The following PDXDC1 variants were observed in gnomAD, a reference collection of about 807,000 sequenced individuals.
PDXDC1 encodes pyridoxal dependent decarboxylase domain containing 1.
In PDXDC1, 42 loss-of-function variants were observed where a neutral mutation model predicts 100.1. That is an observed-to-expected ratio of 0.42 (90% CI 0.33 to 0.54). PDXDC1 has a LOEUF of 0.54. Among genes scored for constraint, PDXDC1 ranks in the 20% least tolerant of loss-of-function variants. The pLI, the probability that PDXDC1 is intolerant of heterozygous loss-of-function variation, is 0.10. For missense variants in PDXDC1, 636 were observed against 979.2 expected (o/e 0.65, Z 4.68); for synonymous variants, 260 against 371.7 (o/e 0.70, Z 3.46).
chr16:15,049,244 G>C (rs916645048), intron 16 of PDXDC1, among the ~76,000 whole-genome samples: 6 of 152,106 alleles, frequency 3.9e-5, no homozygotes, highest in African/African-American at 1.4e-4. Context: ...GCCCAGGCTG[G>C]TCTCAAACTC....
chr16:15,127,944 C>A, intron 16 of PDXDC1: 1 of 1,474,556 alleles, frequency 6.8e-7, no homozygotes, highest in Non-Finnish European at 9.4e-7. Flanking sequence ...GGGGCAGGAC[C>A]ACCCTGCCCA....
At chr16:15,131,098 G>T (rs571437331) in intron 16 of PDXDC1, 4 of 1,606,720 alleles carry the variant, frequency 2.5e-6, no homozygotes, top group South Asian at 2.2e-5. Context: ...GTCCAGCAGC[G>T]TATAGTTGAG....
chr16:15,084,340 C>T (rs1282142011), intron 16 of PDXDC1, among the ~76,000 whole-genome samples: 1 of 152,086 alleles, frequency 6.6e-6, no homozygotes, highest in Non-Finnish European at 1.5e-5. Context: ...GACACAAACA[C>T]ACCCAGGGGT....
intron 1 of PDXDC1, among the ~76,000 whole-genome samples, chr16:14,987,628 T>C (rs1194533104): frequency 6.6e-6 from 1 of 152,292 alleles, no homozygotes; most frequent in East Asian, 1.9e-4. Context: ...TTTTTTTGTT[T>C]TTTGAGATGG....
intron 1 of PDXDC1, among the ~76,000 whole-genome samples, chr16:14,980,649 A>G (rs780666929): frequency 2.0e-5 from 3 of 152,238 alleles, no homozygotes; most frequent in Non-Finnish European, 4.4e-5. Context: ...AATTTTTTGT[A>G]TTTTTAGTAG....
downstream of PDXDC1, among the ~76,000 whole-genome samples, chr16:15,039,574 T>C (rs2043714051): frequency 6.6e-6 from 1 of 152,202 alleles, no homozygotes; most frequent in Non-Finnish European, 1.5e-5. Flanking sequence ...TCCAGCAAAT[T>C]GCTCTTCAGT....
At chr16:15,128,341 C>G in intron 16 of PDXDC1, 2 of 1,608,590 alleles carry the variant, frequency 1.2e-6, no homozygotes, top group South Asian at 2.2e-5. Flanking sequence ...CCGGTGGCCG[C>G]TCCGGCTGTC....
Position 15,038,149 on chromosome 16 carries a change from A to AAGGT in PDXDC1, c.*1877_*1880dup, listed in dbSNP as rs2043616725. ...AGATGGGTGTTTTTTTAAAAACATCAAGGTAGATCTAATATGTTCAACAAA... is the reference window on the plus strand; with the variant it reads ...AGATGGGTGTTTTTTTAAAAACATCAAGGTAGGTAGATCTAATATGTTCAACAAA... On this transcript the variant is annotated 3_prime_UTR_variant, in exon 23 of 23. Transcript: ENST00000396410. 1 of 1,612,988 alleles carries AAGGT rather than the reference A, an allele frequency of 6.2e-7. No individual in the cohort carries two copies. Among genetic ancestry groups the AAGGT allele is most frequent in the Non-Finnish European group, 8.5e-7 (1 of 1,178,984 alleles).
chr16:15,122,485 G>A lies in PDXDC1; in HGVS notation c.1400-16394G>A, dbSNP rs530244199. ...CCACCTCGGCCCCCTAAAGTGCTGG[G>A]ATTACAGGCCTGAGCTGTGTAATTT... On this transcript the variant is annotated intron_variant, in intron 16 of 16. Coordinates refer to the PDXDC1 transcript ENST00000535621. Among the ~76,000 whole-genome samples the A allele has an allele frequency of 7.6e-5, 11 of 145,552 alleles. 1 individual carries two copies. In the South Asian group the frequency reaches 1.6e-3, roughly 21 times the overall value.
chr16:14,978,600 G>C (rs1171634692), intron 1 of PDXDC1, among the ~76,000 whole-genome samples: 6 of 152,274 alleles, frequency 3.9e-5, no homozygotes, highest in Non-Finnish European at 7.3e-5. Flanking sequence ...TCACTATATT[G>C]CCCAGGCTGG....
At chr16:15,124,637 TG>T (rs1325879414) in intron 16 of PDXDC1, among the ~76,000 whole-genome samples, 7 of 150,334 alleles carry the variant, frequency 4.7e-5, no homozygotes, top group Admixed American at 6.6e-5. Flanking sequence ...CCGGGTGCGG[TG>T]GTGGGCGCCT....
downstream of PDXDC1, among the ~76,000 whole-genome samples, chr16:15,144,245 C>T (rs2048519199): frequency 6.6e-6 from 1 of 152,222 alleles, no homozygotes; most frequent in Non-Finnish European, 1.5e-5. Context: ...TGGCCCCTTC[C>T]TCGCTGGGCC....
chr16:14,995,775 C>T (rs1339651510), intron 1 of PDXDC1, among the ~76,000 whole-genome samples: 1 of 152,274 alleles, frequency 6.6e-6, no homozygotes, highest in Non-Finnish European at 1.5e-5. Context: ...TGGTCCCGGA[C>T]CTTTTTTGGT....
At chr16:15,062,365 C>T (rs1189446277) in intron 16 of PDXDC1, among the ~76,000 whole-genome samples, 1 of 152,138 alleles carries the variant, frequency 6.6e-6, no homozygotes, top group African/African-American at 2.4e-5. Flanking sequence ...ACACGCCCCT[C>T]AACAAATGAA....
chr16:15,040,968 T>C, downstream of PDXDC1: 1 of 824,774 alleles, frequency 1.2e-6, no homozygotes, highest in Non-Finnish European at 2.1e-6. Context: ...AACCCAAAGC[T>C]GTCCCATCCT....
intron 16 of PDXDC1, among the ~76,000 whole-genome samples, chr16:15,122,608 C>G (rs2047478266): frequency 6.6e-6 from 1 of 150,486 alleles, no homozygotes; most frequent in Admixed American, 6.7e-5. Flanking sequence ...CCAGCAGGAG[C>G]CGAAAGAGCA....
intron 8 of PDXDC1, among the ~76,000 whole-genome samples, chr16:15,012,766 G>A (rs1386766179): frequency 2.0e-5 from 3 of 152,174 alleles, no homozygotes; most frequent in African/African-American, 7.2e-5. Context: ...GTGGGAGGTT[G>A]GCTTGAACCC....
chr16:15,097,827 T>C (rs2046410228), intron 16 of PDXDC1, among the ~76,000 whole-genome samples: 1 of 152,162 alleles, frequency 6.6e-6, no homozygotes, highest in Admixed American at 6.6e-5. Context: ...CTTTGAATAA[T>C]TATCATATTT....
chr16:15,099,830 G>A (rs1206313937), intron 16 of PDXDC1, among the ~76,000 whole-genome samples: 1 of 152,064 alleles, frequency 6.6e-6, no homozygotes, highest in Non-Finnish European at 1.5e-5. Context: ...ATACCCAGAA[G>A]ACCCATTAAA....
Sources: allele counts gnomAD v4.1 joint callset (sites outside exome capture counted in the v4.1 genomes callset), GRCh38; gene constraint gnomAD v4.1.1; transcripts MANE v1.5; gene names NCBI Gene and HGNC (gene_info 2026-07-23, HGNC 2026-07-21).